NALCN: variants seen among roughly 807,000 people sequenced by gnomAD.
The protein encoded by NALCN is sodium leak channel NALCN.
A neutral mutation model predicts 225.3 loss-of-function variants in NALCN; 111 were observed. That is an observed-to-expected ratio of 0.49 (90% CI 0.42 to 0.58). The LOEUF (loss-of-function observed/expected upper bound fraction) is 0.58, where lower values mean the gene tolerates loss of function less well. Ranked by LOEUF, NALCN falls within the 20% of genes least tolerant of loss-of-function variation. NALCN has a pLI of 0.00. For synonymous variants in NALCN, 764 were observed against 769.0 expected (o/e 0.99, Z 0.11); for missense variants, 1,378 against 2,202.4 (o/e 0.63, Z 7.49).
intron 35 of NALCN, among the ~76,000 whole-genome samples, chr13:101,075,540 T>C (rs2033198437): frequency 6.6e-6 from 1 of 151,830 alleles, no homozygotes; most frequent in African/African-American, 2.4e-5. Flanking sequence ...CTTAACTTTA[T>C]TGAAAATAAA....
chr13:101,123,326 G>A (rs1399873330), intron 18 of NALCN, among the ~76,000 whole-genome samples: 1 of 152,186 alleles, frequency 6.6e-6, no homozygotes, highest in Non-Finnish European at 1.5e-5. Flanking sequence ...TTTCTGGCTT[G>A]AGGGTGAATT....
chr13:101,360,335 C>T (rs1452286708), intron 6 of NALCN, among the ~76,000 whole-genome samples: 1 of 151,622 alleles, frequency 6.6e-6, no homozygotes, highest in Non-Finnish European at 1.5e-5. Context: ...CCGGCTCCAA[C>T]GATTCTTGTG....
intron 18 of NALCN, among the ~76,000 whole-genome samples, chr13:101,121,254 G>T (rs1186853171): frequency 1.3e-5 from 2 of 152,116 alleles, no homozygotes; most frequent in Non-Finnish European, 2.9e-5. Context: ...AGACAAGAGA[G>T]CTGAGAATTG....
At chr13:101,077,213 T>A (rs1056726965) in intron 34 of NALCN, among the ~76,000 whole-genome samples, 2 of 152,196 alleles carry the variant, frequency 1.3e-5, no homozygotes, top group African/African-American at 4.8e-5. Flanking sequence ...CGTTCCTTTA[T>A]AAATTACCCA....
At chr13:101,294,560 C>CTTTTTTTT (rs10615640) in intron 7 of NALCN, among the ~76,000 whole-genome samples, 1 of 87,864 alleles carries the variant, frequency 1.1e-5, no homozygotes. Context: ...TTTATTGTTT[C>CTTTTTTTT]TTTTTTTTTT....
chr13:101,406,373 A>T (rs1318663158), intron 1 of NALCN, among the ~76,000 whole-genome samples: 1 of 152,178 alleles, frequency 6.6e-6, no homozygotes, highest in African/African-American at 2.4e-5. Context: ...TTCCATTTTC[A>T]CAAGAACCAT....
At chr13:101,176,253 C>A in intron 15 of NALCN, 47 bp downstream of exon 15, 1 of 1,402,236 alleles carries the variant, frequency 7.1e-7, no homozygotes, top group South Asian at 1.6e-5. Context: ...ATGGTTTGCC[C>A]CTGGTTTTTT....
At chr13:101,185,504 C>T (rs2039411509) in intron 14 of NALCN, among the ~76,000 whole-genome samples, 1 of 152,140 alleles carries the variant, frequency 6.6e-6, no homozygotes, top group South Asian at 2.1e-4. Context: ...TTCCATAGTC[C>T]CTATCCCCAA....
At chr13:101,291,943 A>ACCC in intron 9 of NALCN, 47 bp downstream of exon 9, 1 of 1,572,836 alleles carries the variant, frequency 6.4e-7, no homozygotes, top group Non-Finnish European at 8.7e-7. Flanking sequence ...AGGGTGAGAC[A>ACCC]TGTGCATGCT....
At chr13:101,137,584 T>A (rs1220040141) in intron 17 of NALCN, among the ~76,000 whole-genome samples, 1 of 152,182 alleles carries the variant, frequency 6.6e-6, no homozygotes, top group Non-Finnish European at 1.5e-5. Flanking sequence ...TTCTTCAGAT[T>A]CGAAGACACC....
At chr13:101,083,315 TC>T (rs2033759041) in intron 31 of NALCN, 117 bp from the exon 32 acceptor site, 3 of 860,428 alleles carry the variant, frequency 3.5e-6, no homozygotes, top group Admixed American at 2.4e-5. Context: ...CCCAAACAGT[TC>T]CGTCTATTGT....
At chr13:101,279,626 C>A (rs2043081384) in intron 10 of NALCN, among the ~76,000 whole-genome samples, 1 of 150,412 alleles carries the variant, frequency 6.6e-6, no homozygotes, top group African/African-American at 2.4e-5. Context: ...ACCATCCCGG[C>A]TAAAACGGTG....
At chr13:101,177,740 G>A (rs941715415) in intron 14 of NALCN, among the ~76,000 whole-genome samples, 30 of 151,736 alleles carry the variant, frequency 2.0e-4, no homozygotes, top group African/African-American at 7.0e-4. Context: ...TTTCTTTTCA[G>A]TTTTCTTCTT....
chr13:101,118,164 G>A (rs779263558), intron 18 of NALCN, among the ~76,000 whole-genome samples: 20 of 152,084 alleles, frequency 1.3e-4, no homozygotes, highest in African/African-American at 2.2e-4. Context: ...TGGGGAGACT[G>A]TGCCTGTGTG....
chr13:101,234,806 T>C (rs573267114), intron 12 of NALCN, among the ~76,000 whole-genome samples: 189 of 151,942 alleles, frequency 1.2e-3, no homozygotes, highest in Admixed American at 3.4e-3. Context: ...TCACTGTGAT[T>C]TGACTATCTA....
At chr13:101,230,940 C>A (rs921267118) in intron 12 of NALCN, among the ~76,000 whole-genome samples, 2 of 152,038 alleles carry the variant, frequency 1.3e-5, no homozygotes, top group Non-Finnish European at 2.9e-5. Context: ...TAAGACTTAC[C>A]TTTTCTATAT....
At chr13:101,176,752 T>C (rs1011509426) in intron 14 of NALCN, among the ~76,000 whole-genome samples, 2 of 152,216 alleles carry the variant, frequency 1.3e-5, no homozygotes, top group African/African-American at 4.8e-5. Flanking sequence ...TAAGGAAATA[T>C]TAGAAATAAC....
chr13:101,064,048 T>TTTA (rs2032172646), intron 40 of NALCN, among the ~76,000 whole-genome samples: 1 of 152,254 alleles, frequency 6.6e-6, no homozygotes. Context: ...AAGTGCTTCC[T>TTTA]TTATTATTCC....
chr13:101,101,097 A>T, intron 26 of NALCN, among the ~76,000 whole-genome samples: 1 of 152,122 alleles, frequency 6.6e-6, no homozygotes, highest in East Asian at 1.9e-4. Flanking sequence ...GAATTTTTTA[A>T]ATGGAAACAT....
Sources: gnomAD v4.1 joint callset for allele counts (sites outside exome capture counted in the v4.1 genomes callset) on GRCh38, gnomAD v4.1.1 for gene constraint, MANE v1.5 for transcripts, NCBI Gene and HGNC (gene_info 2026-07-23, HGNC 2026-07-21) for gene names.